TRPM1: variants seen among roughly 807,000 people sequenced by gnomAD.
TRPM1 encodes TRPM1-203 APA Isoform, Intron 10.
In TRPM1, 113 loss-of-function variants were observed where a neutral mutation model predicts 149.4. The observed-to-expected ratio is 0.76, with a 90% CI of 0.65 to 0.88. TRPM1 has a LOEUF of 0.88. Among genes scored for constraint, TRPM1 ranks in the 40% least tolerant of loss-of-function variants. The pLI, the probability that TRPM1 is intolerant of heterozygous loss-of-function variation, is 0.00. For missense variants in TRPM1, 1,976 were observed against 2,038.7 expected, an observed-to-expected ratio of 0.97 and a Z score of 0.59; for synonymous variants, 741 against 759.5, an observed-to-expected ratio of 0.98 and a Z score of 0.40.
intron 27 of TRPM1, among the ~76,000 whole-genome samples, chr15:31,004,975 G>T (rs566388486): frequency 9.9e-5 from 15 of 152,150 alleles, no homozygotes; most frequent in African/African-American, 3.6e-4. Context: ...AGTGGTGTGT[G>T]CCGGTAATCC....
At chr15:31,020,444 T>C (rs1017282716) in intron 27 of TRPM1, among the ~76,000 whole-genome samples, 1 of 152,272 alleles carries the variant, frequency 6.6e-6, no homozygotes, top group African/African-American at 2.4e-5. Context: ...TCTGTATCCC[T>C]GCCTTTCGGC....
chr15:31,126,634 A>G (rs576017457), intron 1 of TRPM1, among the ~76,000 whole-genome samples: 2 of 152,256 alleles, frequency 1.3e-5, no homozygotes, highest in South Asian at 2.1e-4. Context: ...TTTATTAGGC[A>G]TTTGAGAAAT....
intron 27 of TRPM1, among the ~76,000 whole-genome samples, chr15:31,005,389 T>C (rs1288863364): frequency 6.6e-6 from 1 of 152,178 alleles, no homozygotes; most frequent in Admixed American, 6.5e-5. Context: ...GCCACTCATA[T>C]ATGAAAAACA....
intron 2 of TRPM1, among the ~76,000 whole-genome samples, chr15:31,080,985 G>T (rs1403550890): frequency 6.6e-6 from 1 of 152,094 alleles, no homozygotes; most frequent in African/African-American, 2.4e-5. Context: ...CGTGCCCCTC[G>T]CTGGCTTTTG....
chr15:31,147,457 T>G (rs1047179232), intron 1 of TRPM1, among the ~76,000 whole-genome samples: 1 of 152,244 alleles, frequency 6.6e-6, no homozygotes, highest in Non-Finnish European at 1.5e-5. Flanking sequence ...GCAAAGAATT[T>G]TCTAGTGAAG....
At chr15:31,094,293 A>G (rs1189579962) in intron 1 of TRPM1, among the ~76,000 whole-genome samples, 1 of 152,218 alleles carries the variant, frequency 6.6e-6, no homozygotes. Context: ...CATTATCTTC[A>G]TGATCGATGG....
chr15:31,091,972 G>T (rs1295626274), intron 1 of TRPM1, among the ~76,000 whole-genome samples: 1 of 152,218 alleles, frequency 6.6e-6, no homozygotes, highest in Non-Finnish European at 1.5e-5. Context: ...TACGAGGTGG[G>T]CTCTGCTGGC....
intron 2 of TRPM1, among the ~76,000 whole-genome samples, chr15:31,077,495 C>T (rs181141819): frequency 1.3e-5 from 2 of 152,232 alleles, no homozygotes; most frequent in Admixed American, 6.5e-5. Flanking sequence ...GGAAGTGAAC[C>T]GGCCTGCATC....
At chr15:31,088,715 G>A (rs1377058837) in intron 1 of TRPM1, among the ~76,000 whole-genome samples, 1 of 151,748 alleles carries the variant, frequency 6.6e-6, no homozygotes, top group African/African-American at 2.4e-5. Flanking sequence ...CGTCGTATGA[G>A]ATTGACTGAA....
At chr15:31,079,513 C>A (rs749608213) in intron 2 of TRPM1, among the ~76,000 whole-genome samples, 1 of 152,226 alleles carries the variant, frequency 6.6e-6, no homozygotes, top group Non-Finnish European at 1.5e-5. Context: ...CCTCTGAGTG[C>A]GCAAGCAAAA....
At chr15:31,029,605 T>A (rs541004829) in intron 23 of TRPM1, among the ~76,000 whole-genome samples, 1 of 152,346 alleles carries the variant, frequency 6.6e-6, no homozygotes, top group African/African-American at 2.4e-5. Context: ...ACATTAATCA[T>A]TCTAGAAAAT....
intron 20 of TRPM1, chr15:31,036,117 T>A (rs561464566): frequency 3.3e-6 from 1 of 304,142 alleles, no homozygotes. Context: ...TGTGGATGAG[T>A]TGCCCACCCA....
intron 1 of TRPM1, among the ~76,000 whole-genome samples, chr15:31,118,336 G>A (rs1280918038): frequency 7.3e-5 from 11 of 151,346 alleles, no homozygotes; most frequent in Non-Finnish European, 1.5e-4. Flanking sequence ...GAAGAAAGAG[G>A]GAAAGGAGCA....
chr15:31,084,938 C>G (rs966736488), intron 1 of TRPM1, among the ~76,000 whole-genome samples: 1 of 151,686 alleles, frequency 6.6e-6, no homozygotes, highest in Non-Finnish European at 1.5e-5. Flanking sequence ...ATCCACCTGC[C>G]TCAGCCTCCC....
chr15:31,024,141 T>C (rs78289048), intron 27 of TRPM1, among the ~76,000 whole-genome samples: 2,602 of 151,992 alleles, frequency 0.017, 39 homozygotes, highest in Non-Finnish European at 0.025. Flanking sequence ...CCCTACAGAC[T>C]GAATAGTGCT....
At position 31,040,265 on chromosome 15, in the gene TRPM1, G is replaced by A. The variant is rs370305789; in HGVS notation, c.2169C>T (p.Tyr723=). The change falls in exon 18 of 28, where the codon TAC becomes TAT. Residue 723 remains tyrosine, a synonymous_variant. Coordinates refer to ENST00000256552, the MANE Select transcript of TRPM1 (RefSeq NM_001252024.2). The surrounding 1 kb of genome is among the most constrained non-coding windows in gnomAD (Gnocchi z 4.2). ...TCGAGTTGCTCCAGTTTTTCAGCTCGTAGGTCAGGAGTTTCATAGCGATCT... is the reference window on the plus strand; with the variant it reads ...TCGAGTTGCTCCAGTTTTTCAGCTCATAGGTCAGGAGTTTCATAGCGATCT... ...DEQIAMKLLT[Y]ELKNWSNSTC... 1.1e-4 allele frequency: 173 copies of A among 1,614,066 alleles called. No individual in the cohort carries two copies. The highest frequency in any genetic ancestry group is 1.3e-4 in the Non-Finnish European group (159 of 1,180,042).
chr15:31,101,985 C>T (rs902875897), upstream of TRPM1, among the ~76,000 whole-genome samples: 3 of 152,234 alleles, frequency 2.0e-5, no homozygotes, highest in Non-Finnish European at 4.4e-5. Flanking sequence ...CCCACCCAGC[C>T]GCCCTTCCCT....
chr15:31,018,088 A>G (rs898578952), intron 27 of TRPM1, among the ~76,000 whole-genome samples: 25 of 152,106 alleles, frequency 1.6e-4, no homozygotes, highest in African/African-American at 3.9e-4. Flanking sequence ...GTTTCGCTCT[A>G]TCGCCCAGGC....
intron 1 of TRPM1, among the ~76,000 whole-genome samples, chr15:31,147,448 C>A (rs1373373080): frequency 6.6e-6 from 1 of 152,212 alleles, no homozygotes; most frequent in Non-Finnish European, 1.5e-5. Context: ...ATGTAGAAAG[C>A]AAAGAATTTT....
Sources: allele counts gnomAD v4.1 joint callset (sites outside exome capture counted in the v4.1 genomes callset), GRCh38; gene constraint gnomAD v4.1.1; non-coding constraint Gnocchi (gnomAD v3.1); transcripts MANE v1.5; gene names NCBI Gene and HGNC (gene_info 2026-07-23, HGNC 2026-07-21).